Variants in NLGN1 observed in about 807,000 individuals in gnomAD.
NLGN1 encodes the protein neuroligin-1.
A neutral mutation model predicts 65.5 loss-of-function variants in NLGN1; 12 were observed. The ratio of observed to expected loss-of-function variants is 0.18; its 90% CI spans 0.12 to 0.30. NLGN1 has a LOEUF of 0.30. NLGN1 is among the 10% of genes least tolerant of loss of function. The pLI is 1.00. For missense variants in NLGN1, 750 were observed against 1,007.1 expected (o/e 0.74, Z 3.46); for synonymous variants, 350 against 359.5 (o/e 0.97, Z 0.30).
At chr3:173,421,546 G>A (rs999743432) in intron 1 of NLGN1, among the ~76,000 whole-genome samples, 8 of 151,554 alleles carry the variant, frequency 5.3e-5, no homozygotes, top group Middle Eastern at 3.4e-3. Context: ...TCTCTGTCAC[G>A]CAGGCTGGAG....
chr3:174,027,417 CAA>C (rs1286316498), intron 4 of NLGN1, among the ~76,000 whole-genome samples: 1 of 152,112 alleles, frequency 6.6e-6, no homozygotes, highest in Non-Finnish European at 1.5e-5. Context: ...ACCACCAAAA[CAA>C]AAGACTAGCA....
chr3:173,620,384 A>G (rs902170410), intron 3 of NLGN1, among the ~76,000 whole-genome samples: 3 of 152,170 alleles, frequency 2.0e-5, no homozygotes, highest in Admixed American at 6.5e-5. Context: ...AAGATGTCTT[A>G]CTGTCCAGTA....
intron 4 of NLGN1, among the ~76,000 whole-genome samples, chr3:173,879,384 T>C (rs2150916343): frequency 6.6e-6 from 1 of 152,344 alleles, no homozygotes; most frequent in Middle Eastern, 3.4e-3. Flanking sequence ...CAATCTGCTA[T>C]TAATCTCATC....
intron 3 of NLGN1, among the ~76,000 whole-genome samples, chr3:173,634,809 G>C (rs933241640): frequency 3.3e-5 from 5 of 152,124 alleles, no homozygotes; most frequent in African/African-American, 1.2e-4. Flanking sequence ...CCACATCTGA[G>C]ACAGAGAGAG....
chr3:174,015,716 A>G (rs1726424038), intron 4 of NLGN1, among the ~76,000 whole-genome samples: 1 of 152,174 alleles, frequency 6.6e-6, no homozygotes, highest in South Asian at 2.1e-4. Context: ...AGAAGACAGG[A>G]GTGGTTAGAT....
At position 173,848,032 on chromosome 3, in the gene NLGN1, T is replaced by C. The variant is rs1304895130; in HGVS notation, c.646+40200T>C. Among the ~76,000 whole-genome samples the C allele has an allele frequency of 2.6e-5, 4 of 152,342 alleles. No individual in the cohort carries two copies. In the East Asian group the frequency reaches 7.7e-4, roughly 29 times the overall value. On this transcript the variant is annotated intron_variant, in intron 4 of 6. Transcript: ENST00000457714. ...GAGCATTTACTCTTGCCACCTATTT[T>C]GTTAATGGTAGGGTATGATTTCTGC...
intron 4 of NLGN1, among the ~76,000 whole-genome samples, chr3:173,845,508 T>C (rs1038539967): frequency 1.3e-5 from 2 of 152,078 alleles, no homozygotes; most frequent in African/African-American, 4.8e-5. Flanking sequence ...AATTTAATAT[T>C]TTCAGATATT....
chr3:174,238,585 T>C (rs1742183247), intron 4 of NLGN1, among the ~76,000 whole-genome samples: 1 of 152,098 alleles, frequency 6.6e-6, no homozygotes, highest in East Asian at 1.9e-4. Flanking sequence ...ATGGTCTCAA[T>C]CTCTTGACCT....
intron 4 of NLGN1, among the ~76,000 whole-genome samples, chr3:173,900,380 C>G (rs1737120386): frequency 6.6e-6 from 1 of 151,940 alleles, no homozygotes; most frequent in Admixed American, 6.6e-5. Context: ...ATATCATTGC[C>G]CTGCTGATAT....
intron 4 of NLGN1, among the ~76,000 whole-genome samples, chr3:174,178,372 A>G (rs1356337755): frequency 6.6e-6 from 1 of 152,144 alleles, no homozygotes; most frequent in Non-Finnish European, 1.5e-5. Context: ...CCAAAATGAG[A>G]ATGAAAATAA....
At chr3:173,849,428 G>A (rs1726452946) in intron 4 of NLGN1, among the ~76,000 whole-genome samples, 1 of 152,230 alleles carries the variant, frequency 6.6e-6, no homozygotes, top group East Asian at 1.9e-4. Context: ...CATGGGACAA[G>A]TTAGGCAAAA....
At chr3:173,994,628 G>A (rs1721900043) in intron 4 of NLGN1, among the ~76,000 whole-genome samples, 1 of 152,052 alleles carries the variant, frequency 6.6e-6, no homozygotes, top group Non-Finnish European at 1.5e-5. Flanking sequence ...GAAACATTTT[G>A]TTTAGCAAAG....
intron 3 of NLGN1, among the ~76,000 whole-genome samples, chr3:173,693,385 C>T (rs1156683501): frequency 6.6e-6 from 1 of 151,904 alleles, no homozygotes; most frequent in Non-Finnish European, 1.5e-5. Flanking sequence ...AAATATGTAA[C>T]ATGTGAGAGT....
At chr3:173,598,203 A>C (rs1218017484) in intron 2 of NLGN1, among the ~76,000 whole-genome samples, 2 of 152,184 alleles carry the variant, frequency 1.3e-5, no homozygotes, top group Non-Finnish European at 2.9e-5. Context: ...ATCACTGCAC[A>C]TTGAAAATGA....
intron 3 of NLGN1, among the ~76,000 whole-genome samples, chr3:173,659,580 T>A (rs1370132505): frequency 2.0e-5 from 3 of 151,910 alleles, no homozygotes; most frequent in African/African-American, 7.2e-5. Flanking sequence ...AAAATAGCCT[T>A]GGGCCACAGA....
At chr3:173,451,595 AG>A (rs1287366422) in intron 2 of NLGN1, among the ~76,000 whole-genome samples, 8 of 152,186 alleles carry the variant, frequency 5.3e-5, no homozygotes, top group South Asian at 2.1e-4. Context: ...GCTGTCAGAC[AG>A]GGACATTTAA....
intron 2 of NLGN1, among the ~76,000 whole-genome samples, chr3:173,473,066 A>G (rs1725573344): frequency 6.6e-6 from 1 of 152,202 alleles, no homozygotes; most frequent in Non-Finnish European, 1.5e-5. Context: ...TTTCAAGTAT[A>G]AGAATTTTTT....
At chr3:173,568,333 T>C (rs1276917193) in intron 2 of NLGN1, among the ~76,000 whole-genome samples, 1 of 150,982 alleles carries the variant, frequency 6.6e-6, no homozygotes, top group African/African-American at 2.4e-5. Context: ...TCCTGGGCTC[T>C]GGCAATTCTC....
At chr3:173,443,799 T>G (rs1719664054) in intron 2 of NLGN1, among the ~76,000 whole-genome samples, 1 of 152,204 alleles carries the variant, frequency 6.6e-6, no homozygotes, top group Non-Finnish European at 1.5e-5. Context: ...AAAATTGTAA[T>G]GCTGTAAAGA....
Sources: allele counts gnomAD v4.1 joint callset (sites outside exome capture counted in the v4.1 genomes callset), GRCh38; gene constraint gnomAD v4.1.1; transcripts MANE v1.5; gene names NCBI Gene and HGNC (gene_info 2026-07-23, HGNC 2026-07-21).